The following SULF2 variants were observed in gnomAD, a reference collection of about 807,000 sequenced individuals.
The protein encoded by SULF2 is sulfatase 2.
In SULF2, 52 loss-of-function variants were observed where a neutral mutation model predicts 107.7. The observed-to-expected ratio is 0.48, with a 90% confidence interval of 0.39 to 0.61. SULF2 has a LOEUF of 0.61. Among genes scored for constraint, SULF2 ranks in the 20% least tolerant of loss-of-function variants. SULF2 has a pLI of 0.00. For synonymous variants in SULF2, 460 were observed against 464.3 expected, an observed-to-expected ratio of 0.99 and a Z score of 0.12; for missense variants, 993 against 1,177.3, an observed-to-expected ratio of 0.84 and a Z score of 2.29.
chr20:47,778,904 C>T (rs1404677645), intron 1 of SULF2, among the ~76,000 whole-genome samples: 1 of 152,198 alleles, frequency 6.6e-6, no homozygotes, highest in Non-Finnish European at 1.5e-5. Flanking sequence ...TCCAGTCCCA[C>T]AGCTTAAAAT....
rs753023966 is a variant in SULF2 at position 47,661,835 on chromosome 20, A to G, written c.2432T>C (p.Met811Thr). 2.5e-6 allele frequency: 4 copies of G among 1,595,890 alleles called. No individual in the cohort carries two copies. The highest frequency in any genetic ancestry group is 3.4e-6 in the Non-Finnish European group (4 of 1,167,686). ...GTAACCCTTGCAGCTCCTCAGCTCC[A>G]TGAGCTGTACGTGTAGCTGGTTGAG... ...DVLNQLHVQL[M>T]ELRSCKGYKQ... The change falls in exon 18 of 21, where the codon ATG becomes ACG. Residue 811 changes from methionine to threonine, a missense_variant. Physicochemically the swap from Met to Thr is moderately conservative, Grantham distance 81. Around this residue, in one of 3 missense-constraint regions of SULF2, gnomAD observed 497 missense variants for 544.1 expected, o/e 0.91. Transcript: ENST00000688720.
chr20:47,778,393 C>T (rs11700268), intron 1 of SULF2, among the ~76,000 whole-genome samples: 9,403 of 152,298 alleles, frequency 0.062, 394 homozygotes, highest in East Asian at 0.16. Context: ...TCAAGCTGGG[C>T]CCAGGTGTGC....
At position 47,684,579 on chromosome 20, in the gene SULF2, G is replaced by A. The variant is rs754565363; in HGVS notation, c.740C>T (p.Thr247Met). ...GTTGGGCGCGTAGTTGTAGCTCGGC[G>A]TGCTGGTGGGCAAGGACATACACAT... is the stretch of plus-strand genomic sequence containing the variant. ...RLFPNASQHI[T>M]PSYNYAPNPD... Residue 247 changes from threonine to methionine, a missense_variant and splice_region_variant, in exon 6 of 21, where the codon ACG (threonine) becomes ATG (methionine). Coordinates refer to ENST00000688720, the MANE Select transcript of SULF2 (RefSeq NM_001387048.1). 7 of 1,613,482 alleles carry A rather than the reference G, an allele frequency of 4.3e-6. No homozygotes were observed. The South Asian group carries it at 4.4e-5, about 10-fold the overall frequency.
In SULF2 at chr20:47,657,732, A is replaced by G. The variant is rs1303296643; in HGVS notation, c.*630T>C. On this transcript the variant is annotated 3_prime_UTR_variant, in exon 21 of 21. Transcript: ENST00000688720. ...CCACTCCTGAAAATTGGGATTTCTTATTAGGTTCCCCTAAAAGTTCCCATG... is the reference window on the plus strand; with the variant it reads ...CCACTCCTGAAAATTGGGATTTCTTGTTAGGTTCCCCTAAAAGTTCCCATG... The G allele has an allele frequency of 6.6e-6, 1 of 152,342 alleles. No individual in the cohort carries two copies. Among genetic ancestry groups the G allele is most frequent in the Non-Finnish European group, 1.5e-5 (1 of 68,130 alleles). 9.4% of individuals were successfully genotyped at this position (152,342 alleles called of 1,614,324 possible).
chr20:47,785,136 C>T (rs1384944396), intron 1 of SULF2, among the ~76,000 whole-genome samples: 1 of 151,844 alleles, frequency 6.6e-6, no homozygotes, highest in Non-Finnish European at 1.5e-5. Flanking sequence ...CCTCTGCGGA[C>T]GGCCGGCGCC....
intron 4 of SULF2, among the ~76,000 whole-genome samples, chr20:47,699,985 G>A (rs1230248255): frequency 1.3e-5 from 2 of 152,144 alleles, no homozygotes; most frequent in African/African-American, 4.8e-5. Flanking sequence ...AGTAGGCAGG[G>A]CCCAGGACTG....
chr20:47,765,078 G>A (rs1426984710), intron 1 of SULF2, among the ~76,000 whole-genome samples: 4 of 152,136 alleles, frequency 2.6e-5, no homozygotes, highest in Non-Finnish European at 5.9e-5. Flanking sequence ...AGGGCTGGGC[G>A]CGGCAGCTCA....
chr20:47,699,207 T>C (rs913223481), intron 4 of SULF2, among the ~76,000 whole-genome samples: 1 of 152,080 alleles, frequency 6.6e-6, no homozygotes, highest in Non-Finnish European at 1.5e-5. Flanking sequence ...GACTGTGAGC[T>C]CCAGGAGGAC....
At chr20:47,687,790 C>G (rs958031147) in intron 5 of SULF2, among the ~76,000 whole-genome samples, 2 of 151,886 alleles carry the variant, frequency 1.3e-5, no homozygotes, top group Non-Finnish European at 2.9e-5. Context: ...TCACTGCAGC[C>G]TCGACCTCTT....
chr20:47,659,166 C>G (rs1055959973), intron 20 of SULF2, among the ~76,000 whole-genome samples: 1 of 152,114 alleles, frequency 6.6e-6, no homozygotes, highest in Non-Finnish European at 1.5e-5. Flanking sequence ...TCAAGTTTAC[C>G]AAGCACAGAT....
chr20:47,725,929 G>A (rs2146722370), intron 3 of SULF2, among the ~76,000 whole-genome samples: 1 of 152,336 alleles, frequency 6.6e-6, no homozygotes. Flanking sequence ...ACAACCTGCT[G>A]GCCCCGGGAT....
intron 3 of SULF2, among the ~76,000 whole-genome samples, chr20:47,710,067 A>C (rs1315866348): frequency 6.6e-6 from 1 of 151,978 alleles, no homozygotes; most frequent in African/African-American, 2.4e-5. Flanking sequence ...ACGCCCAGCT[A>C]ATTTTTTAAT....
intron 5 of SULF2, chr20:47,686,288 A>C (rs370418243): frequency 4.2e-4 from 64 of 152,376 alleles, no homozygotes; most frequent in African/African-American, 1.4e-3. Flanking sequence ...GATTAAACCA[A>C]AACCAGAGGA....
At chr20:47,737,959 G>C (rs561664219) in intron 2 of SULF2, among the ~76,000 whole-genome samples, 3 of 151,920 alleles carry the variant, frequency 2.0e-5, no homozygotes, top group African/African-American at 7.2e-5. Flanking sequence ...GGCCAGGCTG[G>C]TCTGGAATTT....
rs148895385 is a variant in SULF2, at chr20:47,769,590, C to T, written c.-100-12127G>A. ...TTGCCTGACGCCACGGCCCCAGCTC[C>T]TGGCAGAGCCGAGGTGCTAATTCTT... On this transcript the variant is annotated intron_variant, in intron 1 of 20. Transcript: ENST00000688720. Among the ~76,000 whole-genome samples the T allele has an allele frequency of 3.5e-3, 536 of 152,292 alleles. 1 individual carries two copies. The highest frequency in any genetic ancestry group is 0.012 in the African/African-American group (513 of 41,548).
chr20:47,659,157 CAA>C (rs1157024601), intron 20 of SULF2, among the ~76,000 whole-genome samples: 2 of 152,188 alleles, frequency 1.3e-5, no homozygotes, highest in African/African-American at 4.8e-5. Context: ...AGTAATAGCT[CAA>C]GTTTACCAAG....
intron 3 of SULF2, among the ~76,000 whole-genome samples, chr20:47,720,835 C>G (rs190073717): frequency 6.6e-6 from 1 of 152,166 alleles, no homozygotes; most frequent in African/African-American, 2.4e-5. Flanking sequence ...CCGGTCTGGG[C>G]AGCAGAGAAC....
intron 4 of SULF2, among the ~76,000 whole-genome samples, chr20:47,701,273 G>T (rs945143005): frequency 1.9e-4 from 29 of 152,182 alleles, no homozygotes; most frequent in African/African-American, 7.0e-4. Context: ...CAGGGTGGGG[G>T]GTCATGACTG....
chr20:47,780,752 C>T (rs1355485578), intron 1 of SULF2, among the ~76,000 whole-genome samples: 1 of 152,130 alleles, frequency 6.6e-6, no homozygotes, highest in Non-Finnish European at 1.5e-5. Context: ...GAGGGTTTTG[C>T]CATGTTGGCC....
Sources: gnomAD v4.1 joint callset for allele counts (sites outside exome capture counted in the v4.1 genomes callset) on GRCh38, gnomAD v4.1.1 for gene constraint, gnomAD v4.1.1 regional missense constraint, MANE v1.5 for transcripts, NCBI Gene and HGNC (gene_info 2026-07-23, HGNC 2026-07-21) for gene names.